The following TBC1D21 variants were observed in gnomAD, a reference collection of about 807,000 sequenced individuals.
TBC1D21 encodes the protein TBC1 domain family member 21, also known as male germ cell Rab GTPase-activating protein.
Under a neutral mutation model 46.0 loss-of-function variants are expected in TBC1D21, and 38 were observed. The observed-to-expected ratio is 0.83, with a 90% CI of 0.64 to 1.08. The LOEUF (loss-of-function observed/expected upper bound fraction) is 1.08, where lower values mean the gene tolerates loss of function less well. Ranked by LOEUF, TBC1D21 falls within the 50% of genes least tolerant of loss-of-function variation. The pLI, the probability that TBC1D21 is intolerant of heterozygous loss-of-function variation, is 0.00. For missense variants in TBC1D21, 415 were observed against 417.9 expected, an observed-to-expected ratio of 0.99 and a Z score of 0.06; for synonymous variants, 151 against 157.2, an observed-to-expected ratio of 0.96 and a Z score of 0.29.
At chr15:73,880,909 C>T (rs1436820235) in intron 1 of TBC1D21, among the ~76,000 whole-genome samples, 1 of 152,062 alleles carries the variant, frequency 6.6e-6, no homozygotes, top group Admixed American at 6.5e-5. Context: ...GTAGTCAATG[C>T]ATTATATATT....
chr15:73,909,458 G>C, the TBC1D21 span, among the ~76,000 whole-genome samples: 2 of 152,176 alleles, frequency 1.3e-5, no homozygotes, highest in African/African-American at 4.8e-5. Context: ...TGTGGTGGTT[G>C]TTGCCCTTGC....
chr15:73,907,526 C>T, the TBC1D21 span, among the ~76,000 whole-genome samples: 10 of 152,150 alleles, frequency 6.6e-5, no homozygotes, highest in African/African-American at 2.2e-4. Flanking sequence ...CTGGGAGATG[C>T]TCTAAGATCT....
chr15:73,881,795 G>T, intron 3 of TBC1D21, 48 bp downstream of exon 3: 1 of 1,545,550 alleles, frequency 6.5e-7, no homozygotes, highest in Non-Finnish European at 8.9e-7. Context: ...CCTGCAGGTG[G>T]CAGGTGCTGC....
chr15:73,886,258 T>TG (rs140135602), intron 7 of TBC1D21, 84 bp downstream of exon 7: 35 of 1,229,498 alleles, frequency 2.8e-5, no homozygotes, highest in Non-Finnish European at 3.0e-5. Flanking sequence ...TCCCTAATCA[T>TG]GGGGGGGCTG....
chr15:73,898,743 A>G, the TBC1D21 span, among the ~76,000 whole-genome samples: 15 of 150,922 alleles, frequency 9.9e-5, no homozygotes, highest in East Asian at 2.9e-3. Flanking sequence ...ATGTGCCTGT[A>G]ATTCCAGCCA....
the TBC1D21 span, among the ~76,000 whole-genome samples, chr15:73,898,880 A>AAAAAAAAAATATAT: frequency 1.2e-4 from 7 of 56,798 alleles, no homozygotes; most frequent in East Asian, 3.6e-4. Context: ...AAAAAAAAAA[A>AAAAAAAAAATATAT]ATATATATAT....
At chr15:73,905,118 G>A in the TBC1D21 span, among the ~76,000 whole-genome samples, 1 of 152,170 alleles carries the variant, frequency 6.6e-6, no homozygotes, top group Non-Finnish European at 1.5e-5. Context: ...GAGGCTCAGG[G>A]CCCACTTAGG....
chr15:73,899,867 C>G, the TBC1D21 span, among the ~76,000 whole-genome samples: 1 of 152,168 alleles, frequency 6.6e-6, no homozygotes, highest in African/African-American at 2.4e-5. Flanking sequence ...ACGCAGAGCA[C>G]TTGGACCTTC....
downstream of TBC1D21, among the ~76,000 whole-genome samples, chr15:73,893,888 C>A (rs561696390): frequency 2.0e-5 from 3 of 152,348 alleles, no homozygotes; most frequent in East Asian, 1.9e-4. Context: ...AGGTCACGAA[C>A]AAGGGCACGT....
At chr15:73,881,863 C>T in intron 3 of TBC1D21, 116 bp downstream of exon 3, 1 of 908,200 alleles carries the variant, frequency 1.1e-6, no homozygotes, top group Non-Finnish European at 1.7e-6. Context: ...CGAGAGGAAC[C>T]CCATGCCTCC....
At chr15:73,891,875 C>G (rs1460980082), downstream of TBC1D21, among the ~76,000 whole-genome samples, 2 of 152,226 alleles carry the variant, frequency 1.3e-5, no homozygotes, top group African/African-American at 4.8e-5. Flanking sequence ...TCAGGCACCC[C>G]TCATCATGAA....
Position 73,884,863 on chromosome 15 carries a change from C to T in TBC1D21, c.450C>T (p.Leu150=). 1 of 1,614,130 alleles carries T rather than the reference C, an allele frequency of 6.2e-7. No homozygotes were observed. The highest frequency in any genetic ancestry group is 8.5e-7 in the Non-Finnish European group (1 of 1,180,012). Reference sequence around the variant, plus strand: ...AGAAGAGGCTAGAGAAGATCCTGCTCCTGAGTTACGTCTGCAACACGCAGG... The same window carrying T: ...AGAAGAGGCTAGAGAAGATCCTGCTTCTGAGTTACGTCTGCAACACGCAGG... The part of the protein sequence containing the change: ...IDKKRLEKIL[L]LSYVCNTQAE... Residue 150 remains leucine (L), a synonymous_variant, in exon 5 of 11, where the codon CTC becomes CTT. Coordinates refer to ENST00000300504, the MANE Select transcript of TBC1D21 (RefSeq NM_153356.3).
At chr15:73,878,568 A>G (rs879284172) in intron 1 of TBC1D21, among the ~76,000 whole-genome samples, 14 of 152,360 alleles carry the variant, frequency 9.2e-5, no homozygotes, top group South Asian at 8.3e-4. Flanking sequence ...GACAAAATAT[A>G]TGAATGACCT....
At position 73,880,498 on chromosome 15, in the gene TBC1D21, C is replaced by T. The variant is rs186787314; in HGVS notation, c.61-901C>T. ...TTAAAAATACAAGAAAGGCCAGGTG[C>T]GGTGACTAACGCCTGTAGTCCCAGC... On this transcript the variant is annotated intron_variant, in intron 1 of 10. Transcript: ENST00000300504. 4.8e-4 allele frequency among the ~76,000 whole-genome samples: 73 copies of T among 152,190 alleles called. No homozygotes were observed. The East Asian group carries it at 0.012, about 26-fold the overall frequency.
At chr15:73,886,764 G>C (rs1299622364) in intron 8 of TBC1D21, 152 bp downstream of exon 8, 1 of 673,930 alleles carries the variant, frequency 1.5e-6, no homozygotes, top group African/African-American at 1.8e-5. Flanking sequence ...CTCCCACCTT[G>C]CTGGAGGAAG....
chr15:73,900,844 A>G, the TBC1D21 span, among the ~76,000 whole-genome samples: 1 of 152,218 alleles, frequency 6.6e-6, no homozygotes, highest in Non-Finnish European at 1.5e-5. Context: ...TCTGACTCTG[A>G]GCATTCATTG....
intron 1 of TBC1D21, among the ~76,000 whole-genome samples, chr15:73,877,959 C>T (rs1033820815): frequency 6.6e-6 from 1 of 152,224 alleles, no homozygotes; most frequent in African/African-American, 2.4e-5. Context: ...GAGTTCACAT[C>T]ATACTGAACT....
At chr15:73,883,362 T>G (rs1027899136) in intron 3 of TBC1D21, among the ~76,000 whole-genome samples, 1 of 152,228 alleles carries the variant, frequency 6.6e-6, no homozygotes, top group Admixed American at 6.5e-5. Flanking sequence ...GAAACCTGTC[T>G]TCTCGCAGTT....
the TBC1D21 span, among the ~76,000 whole-genome samples, chr15:73,896,807 T>C: frequency 6.6e-6 from 1 of 152,152 alleles, no homozygotes; most frequent in Admixed American, 6.5e-5. Context: ...TGGCCTGAGA[T>C]TGGGGAAATC....
Sources: gnomAD v4.1 joint callset for allele counts (sites outside exome capture counted in the v4.1 genomes callset) on GRCh38, gnomAD v4.1.1 for gene constraint, MANE v1.5 for transcripts, NCBI Gene and HGNC (gene_info 2026-07-23, HGNC 2026-07-21) for gene names.